The following ARK2C variants were observed in gnomAD, a reference collection of about 807,000 sequenced individuals.
ARK2C encodes arkadia (RNF111) C-terminal like ring finger ubiquitin ligase 2C.
At chr18:46,348,582 G>C in the ARK2C span, among the ~76,000 whole-genome samples, 1 of 152,172 alleles carries the variant, frequency 6.6e-6, no homozygotes, top group African/African-American at 2.4e-5. Flanking sequence ...GAAAAGAGCA[G>C]AGTGGTGTGG....
chr18:46,376,258 A>C, the ARK2C span, among the ~76,000 whole-genome samples: 2 of 152,194 alleles, frequency 1.3e-5, no homozygotes, highest in Non-Finnish European at 2.9e-5. Flanking sequence ...GCCTGACATT[A>C]GTTGGGTACT....
chr18:46,403,927 C>G, the ARK2C span, among the ~76,000 whole-genome samples: 150 of 152,254 alleles, frequency 9.9e-4, no homozygotes, highest in African/African-American at 3.5e-3. Flanking sequence ...CTCTGGTATT[C>G]TTCATCTACC....
chr18:46,444,472 A>G, the ARK2C span, among the ~76,000 whole-genome samples: 1 of 151,554 alleles, frequency 6.6e-6, no homozygotes, highest in Middle Eastern at 3.4e-3. Flanking sequence ...ATTTTGGATT[A>G]TTATTATTAT....
At chr18:46,334,247 C>G in the ARK2C span, 3 of 1,442,578 alleles carry the variant, frequency 2.1e-6, no homozygotes, top group Non-Finnish European at 2.7e-6. The surrounding 1 kb of genome is among the most constrained non-coding windows in gnomAD (Gnocchi z 4.4). Flanking sequence ...GCGCAGCCGC[C>G]GCCGCCGCCG....
chr18:46,462,483 C>T, the ARK2C span: 1 of 152,360 alleles, frequency 6.6e-6, no homozygotes, highest in Non-Finnish European at 1.5e-5. Flanking sequence ...TGTGTGAGAA[C>T]TGGGCTGTGT....
chr18:46,407,218 A>G, the ARK2C span, among the ~76,000 whole-genome samples: 1 of 152,072 alleles, frequency 6.6e-6, no homozygotes, highest in African/African-American at 2.4e-5. Flanking sequence ...GGGCCTGTGC[A>G]GTTTTCACCC....
the ARK2C span, among the ~76,000 whole-genome samples, chr18:46,405,914 C>A: frequency 6.6e-6 from 1 of 152,082 alleles, no homozygotes; most frequent in Admixed American, 6.5e-5. Context: ...CTCCCTTCCT[C>A]CTCCCGGAGT....
At chr18:46,448,927 C>A in the ARK2C span, among the ~76,000 whole-genome samples, 11 of 152,156 alleles carry the variant, frequency 7.2e-5, no homozygotes, top group Non-Finnish European at 1.2e-4. Flanking sequence ...TCCTCAGTCT[C>A]CTTATTTGTA....
chr18:46,395,540 A>T, the ARK2C span, among the ~76,000 whole-genome samples: 1 of 152,108 alleles, frequency 6.6e-6, no homozygotes, highest in Non-Finnish European at 1.5e-5. Flanking sequence ...TGCTTTAAGG[A>T]TGAGTTTGCT....
At chr18:46,380,939 G>A in the ARK2C span, among the ~76,000 whole-genome samples, 1 of 152,192 alleles carries the variant, frequency 6.6e-6, no homozygotes, top group Non-Finnish European at 1.5e-5. Flanking sequence ...AAACCCAGCC[G>A]GGCTGGAGTT....
At chr18:46,420,364 G>A in the ARK2C span, among the ~76,000 whole-genome samples, 1 of 152,188 alleles carries the variant, frequency 6.6e-6, no homozygotes, top group East Asian at 1.9e-4. Flanking sequence ...GGAGGCAGAG[G>A]AATAAAGCTA....
At chr18:46,456,201 C>T in the ARK2C span, 1 of 690,254 alleles carries the variant, frequency 1.4e-6, no homozygotes, top group Non-Finnish European at 2.6e-6. Flanking sequence ...GCCAAGTGTG[C>T]TATAATGTGC....
the ARK2C span, among the ~76,000 whole-genome samples, chr18:46,381,937 G>A: frequency 1.9e-3 from 288 of 152,276 alleles, no homozygotes; most frequent in African/African-American, 6.3e-3. Context: ...TCTCTGGCAC[G>A]GGCTTTGGCT....
At chr18:46,369,209 C>T in the ARK2C span, among the ~76,000 whole-genome samples, 3 of 152,088 alleles carry the variant, frequency 2.0e-5, no homozygotes, top group Non-Finnish European at 4.4e-5. Context: ...CTAGAAGCAA[C>T]GTGTGGTTGT....
chr18:46,369,517 G>A, the ARK2C span, among the ~76,000 whole-genome samples: 51 of 152,244 alleles, frequency 3.3e-4, no homozygotes, highest in African/African-American at 1.2e-3. Flanking sequence ...AACGAGAAAT[G>A]CCTCAGAATC....
chr18:46,346,352 G>A, the ARK2C span, among the ~76,000 whole-genome samples: 2 of 152,178 alleles, frequency 1.3e-5, no homozygotes, highest in Admixed American at 6.5e-5. Flanking sequence ...GTGGCATTAC[G>A]TACATTCACA....
chr18:46,405,739 G>A, the ARK2C span, among the ~76,000 whole-genome samples: 4 of 152,068 alleles, frequency 2.6e-5, no homozygotes, highest in Non-Finnish European at 5.9e-5. Flanking sequence ...ATCCAGGATG[G>A]GTTGAATATG....
At chr18:46,389,929 A>G in the ARK2C span, among the ~76,000 whole-genome samples, 1 of 152,006 alleles carries the variant, frequency 6.6e-6, no homozygotes, top group Non-Finnish European at 1.5e-5. Flanking sequence ...GGGTTTTGCC[A>G]TGTTGCCCAG....
At chr18:46,392,571 A>AG in the ARK2C span, among the ~76,000 whole-genome samples, 152,329 of 152,330 alleles carry the variant, frequency 1, 76,164 homozygotes, top group Middle Eastern at 1. Flanking sequence ...GACACGGCTC[A>AG]GAGGAGAGGC....
Sources: gnomAD v4.1 joint callset for allele counts (sites outside exome capture counted in the v4.1 genomes callset) on GRCh38, gnomAD v4.1.1 for gene constraint, Gnocchi (gnomAD v3.1) non-coding constraint, MANE v1.5 for transcripts, NCBI Gene and HGNC (gene_info 2026-07-23, HGNC 2026-07-21) for gene names.